KDM4C: variants seen among roughly 807,000 people sequenced by gnomAD.
KDM4C encodes the protein lysine-specific demethylase 4C.
KDM4C carries 81 observed loss-of-function variants against 129.3 expected under a neutral mutation model. That is an observed-to-expected ratio of 0.63 (90% CI 0.52 to 0.75). KDM4C has a LOEUF of 0.75. Among genes scored for constraint, KDM4C ranks in the 30% least tolerant of loss-of-function variants. The pLI is 0.00. For synonymous variants in KDM4C, 573 were observed against 456.1 expected (o/e 1.26, Z -3.26); for missense variants, 1,457 against 1,304.0 (o/e 1.12, Z -1.81).
chr9:7,018,105 A>G (rs1193637302), intron 15 of KDM4C, among the ~76,000 whole-genome samples: 1 of 152,206 alleles, frequency 6.6e-6, no homozygotes, highest in Non-Finnish European at 1.5e-5. Flanking sequence ...TCGTTAGGCA[A>G]TTTTGTCATT....
At chr9:7,035,119 C>T (rs1167681687) in intron 15 of KDM4C, among the ~76,000 whole-genome samples, 3 of 151,330 alleles carry the variant, frequency 2.0e-5, no homozygotes, top group African/African-American at 4.8e-5. Flanking sequence ...CTCATGTGAT[C>T]CTCCCACCTT....
At position 6,834,077 on chromosome 9, in the gene KDM4C, C is replaced by T. The variant is rs537460452; in HGVS notation, c.436-15430C>T. On this transcript the variant is annotated intron_variant, in intron 4 of 21. Coordinates refer to ENST00000381309, the MANE Select transcript of KDM4C (RefSeq NM_015061.6). ...TTTTTTTAAGATAGTCTTGCTCTGTCACCTAGGCTGGGGTGCAGTGATGCA... is the reference window on the plus strand; with the variant it reads ...TTTTTTTAAGATAGTCTTGCTCTGTTACCTAGGCTGGGGTGCAGTGATGCA... 1.2e-4 allele frequency among the ~76,000 whole-genome samples: 12 copies of T among 102,512 alleles called. No homozygotes were observed. In the South Asian group the frequency reaches 3.8e-3, roughly 33 times the overall value. The allele number at this position is 102,512 out of a possible 152,430, so 67.3% of individuals were successfully genotyped here.
chr9:7,119,049 A>C (rs1465387748), intron 18 of KDM4C, among the ~76,000 whole-genome samples: 1 of 152,138 alleles, frequency 6.6e-6, no homozygotes, highest in Non-Finnish European at 1.5e-5. Flanking sequence ...GGGAGAAATG[A>C]TATTTAAGAA....
At chr9:7,075,929 A>G (rs763770291) in intron 17 of KDM4C, among the ~76,000 whole-genome samples, 1 of 152,026 alleles carries the variant, frequency 6.6e-6, no homozygotes, top group Non-Finnish European at 1.5e-5. Flanking sequence ...GGGTGTGATA[A>G]TTTGTTAGTT....
intron 12 of KDM4C, among the ~76,000 whole-genome samples, chr9:6,997,510 C>T (rs778923170): frequency 1.3e-5 from 2 of 152,216 alleles, no homozygotes; most frequent in Non-Finnish European, 2.9e-5. Context: ...CAAGTTTATA[C>T]CTCTTCTTCT....
chr9:6,760,217 C>T (rs12346963), intron 1 of KDM4C, among the ~76,000 whole-genome samples: 15,906 of 151,674 alleles, frequency 0.1, 1,003 homozygotes, highest in African/African-American at 0.17. Context: ...ATCTGGTCTT[C>T]TGTGAGTGAC....
In KDM4C at chr9:6,984,295, G is replaced by A. The variant is rs1563931329; in HGVS notation, c.1245G>A (p.Lys415=). 2 of 1,614,072 alleles carry A rather than the reference G, an allele frequency of 1.2e-6. No individual in the cohort carries two copies. Among genetic ancestry groups the A allele is most frequent in the East Asian group, 4.5e-5 (2 of 44,872 alleles). The change falls in exon 10 of 22, where the codon AAG becomes AAA. Residue 415 remains lysine (K), a synonymous_variant. Coordinates refer to ENST00000381309, the MANE Select transcript of KDM4C (RefSeq NM_015061.6). ...CAGATGACCTCAAGGTCAGTGAAAA[G>A]TCAGAAGCAGCAGTGAAGCTGAGGA... The part of the protein sequence containing the change: ...SVTDDLKVSE[K]SEAAVKLRNT...
chr9:7,042,954 C>T (rs1355957708), intron 15 of KDM4C, among the ~76,000 whole-genome samples: 1 of 151,964 alleles, frequency 6.6e-6, no homozygotes, highest in Non-Finnish European at 1.5e-5. Context: ...TATTTTCCTC[C>T]AGAGGCAGAG....
chr9:6,828,388 C>G (rs1834235148), intron 4 of KDM4C, among the ~76,000 whole-genome samples: 1 of 151,988 alleles, frequency 6.6e-6, no homozygotes, highest in Non-Finnish European at 1.5e-5. Context: ...ACCTTGTGAT[C>G]TGCCTGCCTC....
At chr9:7,047,119 G>A (rs1294938174) in intron 16 of KDM4C, among the ~76,000 whole-genome samples, 1 of 151,870 alleles carries the variant, frequency 6.6e-6, no homozygotes, top group Admixed American at 6.6e-5. Context: ...TCCAAGTTAT[G>A]CTTCTCTTCT....
intron 1 of KDM4C, among the ~76,000 whole-genome samples, chr9:6,761,629 C>G (rs919923305): frequency 6.6e-6 from 1 of 152,074 alleles, no homozygotes; most frequent in Admixed American, 6.6e-5. Flanking sequence ...CTGATCATCC[C>G]TTCCTGTTAG....
intron 7 of KDM4C, among the ~76,000 whole-genome samples, chr9:6,891,611 C>T (rs978470455): frequency 4.6e-5 from 7 of 152,008 alleles, no homozygotes; most frequent in African/African-American, 1.7e-4. Flanking sequence ...TTGTGATATA[C>T]TAAAAACCAA....
intron 8 of KDM4C, among the ~76,000 whole-genome samples, chr9:6,903,513 ATCT>A (rs1239287737): frequency 4.6e-5 from 7 of 152,220 alleles, no homozygotes; most frequent in East Asian, 1.9e-4. Flanking sequence ...CTTGGTAAAC[ATCT>A]TCTTGCGCTT....
At chr9:6,932,108 G>A (rs1405827585) in intron 8 of KDM4C, among the ~76,000 whole-genome samples, 1 of 152,168 alleles carries the variant, frequency 6.6e-6, no homozygotes, top group Non-Finnish European at 1.5e-5. Context: ...GGTGTTTGGG[G>A]TGGGGCCAGA....
At chr9:7,058,982 G>T (rs1356761665) in intron 17 of KDM4C, among the ~76,000 whole-genome samples, 2 of 152,100 alleles carry the variant, frequency 1.3e-5, no homozygotes, top group East Asian at 3.9e-4. Context: ...CTTTCTACAT[G>T]AAAACTGGAA....
chr9:6,860,246 G>A (rs151130582), intron 5 of KDM4C, among the ~76,000 whole-genome samples: 2 of 152,142 alleles, frequency 1.3e-5, no homozygotes, highest in African/African-American at 2.4e-5. Flanking sequence ...AACCAACACC[G>A]TTTGTTTGCC....
chr9:6,942,624 C>T (rs1369470866), intron 8 of KDM4C: 1 of 152,126 alleles, frequency 6.6e-6, no homozygotes, highest in African/African-American at 2.4e-5. Context: ...TATGAAACTT[C>T]TTCCTGTGGG....
intron 5 of KDM4C, among the ~76,000 whole-genome samples, chr9:6,862,321 A>G (rs1563714699): frequency 6.6e-6 from 1 of 152,150 alleles, no homozygotes; most frequent in Non-Finnish European, 1.5e-5. Context: ...GAAATGTTTG[A>G]TTTTAACAGA....
chr9:7,021,461 T>G (rs1298478582), intron 15 of KDM4C, among the ~76,000 whole-genome samples: 1 of 152,182 alleles, frequency 6.6e-6, no homozygotes, highest in African/African-American at 2.4e-5. Context: ...TTGCATATTT[T>G]CTTTTGAGGA....
Sources: allele counts gnomAD v4.1 joint callset (sites outside exome capture counted in the v4.1 genomes callset), GRCh38; gene constraint gnomAD v4.1.1; transcripts MANE v1.5; gene names NCBI Gene and HGNC (gene_info 2026-07-23, HGNC 2026-07-21).